Variants in GALNT2 observed in about 807,000 individuals in gnomAD.
GALNT2 encodes the protein polypeptide N-acetylgalactosaminyltransferase 2, also known as UDP-GalNAc:polypeptide N-acetylgalactosaminyltransferase 2.
Under a neutral mutation model 81.4 loss-of-function variants are expected in GALNT2, and 31 were observed. That is an observed-to-expected ratio of 0.38 (90% CI 0.29 to 0.51). The LOEUF is 0.51. GALNT2 is among the 20% of genes least tolerant of loss of function. GALNT2 has a pLI of 0.87. For missense variants in GALNT2, 629 were observed against 765.7 expected, an observed-to-expected ratio of 0.82 and a Z score of 2.11; for synonymous variants, 303 against 287.4, an observed-to-expected ratio of 1.05 and a Z score of -0.55.
At chr1:230,164,227 TG>T in intron 1 of GALNT2, among the ~76,000 whole-genome samples, 1 of 152,256 alleles carries the variant, frequency 6.6e-6, no homozygotes, top group African/African-American at 2.4e-5. Context: ...TGTTCTGGGT[TG>T]GGGGCAGAAG....
At chr1:230,175,587 C>T (rs1224942762) in intron 1 of GALNT2, among the ~76,000 whole-genome samples, 2 of 108,024 alleles carry the variant, frequency 1.9e-5, no homozygotes, top group Non-Finnish European at 3.7e-5. Flanking sequence ...TCCTCCCCTC[C>T]TCGTCCCCTC....
At chr1:230,198,229 G>A (rs1325058740) in intron 2 of GALNT2, among the ~76,000 whole-genome samples, 1 of 152,224 alleles carries the variant, frequency 6.6e-6, no homozygotes, top group Non-Finnish European at 1.5e-5. Flanking sequence ...GAGGTGCTGC[G>A]GGCGAGGCTG....
intron 3 of GALNT2, among the ~76,000 whole-genome samples, chr1:230,213,231 C>T (rs536737981): frequency 1.2e-4 from 18 of 152,290 alleles, no homozygotes; most frequent in Non-Finnish European, 2.4e-4. Flanking sequence ...GTAGTCTTCC[C>T]GGAGAGGCAG....
chr1:230,063,016 T>A (rs1571916934), upstream of GALNT2, among the ~76,000 whole-genome samples: 3 of 152,102 alleles, frequency 2.0e-5, no homozygotes, highest in South Asian at 4.1e-4. Context: ...TTATTTATTT[T>A]AAAAATGTTT....
chr1:230,181,837 G>A (rs1157524918), intron 2 of GALNT2, among the ~76,000 whole-genome samples: 1 of 152,174 alleles, frequency 6.6e-6, no homozygotes, highest in African/African-American at 2.4e-5. Context: ...TTAAATGTGG[G>A]TCAGAATTCA....
At chr1:230,165,433 A>G (rs1272152366) in intron 1 of GALNT2, among the ~76,000 whole-genome samples, 1 of 152,208 alleles carries the variant, frequency 6.6e-6, no homozygotes, top group Non-Finnish European at 1.5e-5. Flanking sequence ...ATGCTGCAGT[A>G]TTTGTGCATA....
chr1:230,138,477 A>C (rs1261227306), intron 1 of GALNT2, among the ~76,000 whole-genome samples: 2 of 149,992 alleles, frequency 1.3e-5, no homozygotes, highest in Admixed American at 6.7e-5. Flanking sequence ...GTGAGCTGAG[A>C]TCACGCCTCT....
chr1:230,233,104 C>T (rs1281247945), intron 3 of GALNT2, among the ~76,000 whole-genome samples: 3 of 152,188 alleles, frequency 2.0e-5, no homozygotes, highest in Non-Finnish European at 4.4e-5. Context: ...TCTGAAGGTG[C>T]GGCCATTGCT....
At chr1:230,071,653 G>T (rs1659378747) in intron 1 of GALNT2, among the ~76,000 whole-genome samples, 2 of 152,116 alleles carry the variant, frequency 1.3e-5, no homozygotes, top group Non-Finnish European at 2.9e-5. Flanking sequence ...ATGCGGAGGG[G>T]AACACCCATA....
intron 1 of GALNT2, among the ~76,000 whole-genome samples, chr1:230,128,890 A>G (rs1661280196): frequency 6.6e-6 from 1 of 152,338 alleles, no homozygotes; most frequent in East Asian, 1.9e-4. Flanking sequence ...CTCATGCCTC[A>G]GCACTGTTGA....
chr1:230,141,573 T>A (rs1661734051), intron 1 of GALNT2, among the ~76,000 whole-genome samples: 1 of 152,320 alleles, frequency 6.6e-6, no homozygotes, highest in East Asian at 1.9e-4. Flanking sequence ...CTTATTTCAC[T>A]TAGCATAATG....
intron 1 of GALNT2, among the ~76,000 whole-genome samples, chr1:230,084,178 GGA>G (rs1221059911): frequency 6.6e-6 from 1 of 152,178 alleles, no homozygotes; most frequent in Non-Finnish European, 1.5e-5. Context: ...CCCACAGCAG[GGA>G]GACAGTGGGG....
chr1:230,236,768 A>G (rs1572120672), intron 6 of GALNT2, 43 bp downstream of exon 6: 4 of 1,563,680 alleles, frequency 2.6e-6, no homozygotes, highest in African/African-American at 1.4e-5. Flanking sequence ...TTGAATTCTG[A>G]CTTTTCCTGT....
chr1:230,079,818 C>T (rs1186879379), intron 1 of GALNT2, among the ~76,000 whole-genome samples: 1 of 152,296 alleles, frequency 6.6e-6, no homozygotes, highest in East Asian at 1.9e-4. Flanking sequence ...CATAATTGGG[C>T]TCATGGAGGC....
chr1:230,275,880 T>C lies in GALNT2; in HGVS notation c.1560+1316T>C, dbSNP rs1318984757. Among the ~76,000 whole-genome samples, 2 of 151,220 alleles carry C rather than the reference T, an allele frequency of 1.3e-5. No homozygotes were observed. Among genetic ancestry groups the C allele is most frequent in the East Asian group, 1.9e-4 (1 of 5,142 alleles). ...GATATACATATATAAATGCCACAGA[T>C]ATATACATATATAAACACCACATAT... On this transcript the variant is annotated intron_variant, in intron 15 of 15. Coordinates refer to ENST00000366672, the MANE Select transcript of GALNT2 (RefSeq NM_004481.5). The surrounding 1 kb of genome is among the most constrained non-coding windows in gnomAD (Gnocchi z 5.5).
At chr1:230,260,971 C>A (rs990757591) in intron 11 of GALNT2, among the ~76,000 whole-genome samples, 1 of 152,116 alleles carries the variant, frequency 6.6e-6, no homozygotes, top group Non-Finnish European at 1.5e-5. Context: ...TTTATTTTCC[C>A]ACAAGTCCAG....
intron 3 of GALNT2, among the ~76,000 whole-genome samples, chr1:230,207,559 C>T (rs546924827): frequency 6.6e-6 from 1 of 152,126 alleles, no homozygotes; most frequent in South Asian, 2.1e-4. Context: ...TATATTAGGT[C>T]CTCTTAGATA....
At chr1:230,074,144 GC>G (rs1429845544) in intron 1 of GALNT2, among the ~76,000 whole-genome samples, 6 of 151,624 alleles carry the variant, frequency 4.0e-5, no homozygotes, top group Non-Finnish European at 7.4e-5. Flanking sequence ...CCAGGTTAGA[GC>G]TCAGTGGTAC....
chr1:230,140,437 C>T (rs1471018100), intron 1 of GALNT2, among the ~76,000 whole-genome samples: 1 of 152,240 alleles, frequency 6.6e-6, no homozygotes, highest in Non-Finnish European at 1.5e-5. Flanking sequence ...ACAGCAGTGC[C>T]TAGGTGACAG....
Sources: allele counts gnomAD v4.1 joint callset (sites outside exome capture counted in the v4.1 genomes callset), GRCh38; gene constraint gnomAD v4.1.1; non-coding constraint Gnocchi (gnomAD v3.1); transcripts MANE v1.5; gene names NCBI Gene and HGNC (gene_info 2026-07-23, HGNC 2026-07-21).